Variants in FOXP1 observed in about 807,000 individuals in gnomAD.
FOXP1 encodes the protein forkhead box protein P1.
FOXP1 carries 15 observed loss-of-function variants against 98.2 expected under a neutral mutation model. That is an observed-to-expected ratio of 0.15 (90% CI 0.10 to 0.24). The LOEUF (loss-of-function observed/expected upper bound fraction) is 0.24. FOXP1 is among the 10% of genes least tolerant of loss of function. The pLI is 1.00. For missense variants in FOXP1, 633 were observed against 848.5 expected (o/e 0.75, Z 3.15); for synonymous variants, 371 against 314.5 (o/e 1.18, Z -1.90).
intron 3 of FOXP1, among the ~76,000 whole-genome samples, chr3:71,408,733 G>A (rs912846757): frequency 1.3e-5 from 2 of 152,174 alleles, no homozygotes; most frequent in African/African-American, 4.8e-5. Context: ...AAATGGGTAA[G>A]TAGAGGCAAG....
At chr3:70,987,952 G>C in intron 14 of FOXP1, 42 bp downstream of exon 14, 1 of 1,572,994 alleles carries the variant, frequency 6.4e-7, no homozygotes, top group Non-Finnish European at 8.8e-7. Context: ...AAGGAATACT[G>C]TGAGTTTTGT....
chr3:71,091,129 G>GTGTGTGTGTA lies in FOXP1; in HGVS notation c.282+21406_282+21407insTACACACACA, dbSNP rs3064142. On this transcript the variant is annotated intron_variant, in intron 7 of 20. Coordinates refer to ENST00000649528, the MANE Select transcript of FOXP1 (RefSeq NM_001349338.3). ...TGTGTGTGTGTGTGTGTGTGTGTGTGTGTATTCTTAAATTAATCCTCTGAA... is the reference window on the plus strand; with the variant it reads ...TGTGTGTGTGTGTGTGTGTGTGTGTGTGTGTGTGTATGTATTCTTAAATTAATCCTCTGAA... Among the ~76,000 whole-genome samples the GTGTGTGTGTA allele has an allele frequency of 5.2e-3, 637 of 122,394 alleles. 12 individuals carry two copies. The highest frequency in any genetic ancestry group is 8.4e-3 in the African/African-American group (291 of 34,758). 80.3% of individuals were successfully genotyped at this position (122,394 alleles called of 152,430 possible).
intron 4 of FOXP1, among the ~76,000 whole-genome samples, chr3:71,350,465 T>C (rs1242630839): frequency 3.3e-5 from 5 of 152,152 alleles, no homozygotes; most frequent in Admixed American, 3.3e-4. Context: ...ACCTTGCACA[T>C]GTAAGTATGT....
intron 4 of FOXP1, among the ~76,000 whole-genome samples, chr3:71,322,756 A>T (rs1317849639): frequency 6.6e-6 from 1 of 152,188 alleles, no homozygotes; most frequent in Non-Finnish European, 1.5e-5. Flanking sequence ...CCAAACTAGA[A>T]GTCTGGACTT....
chr3:71,494,079 A>G (rs1262581002), intron 2 of FOXP1, among the ~76,000 whole-genome samples: 1 of 152,186 alleles, frequency 6.6e-6, no homozygotes, highest in Non-Finnish European at 1.5e-5. Context: ...ATGATTATGG[A>G]TTACATAAGG....
chr3:71,442,760 A>G (rs1218147520), intron 3 of FOXP1, among the ~76,000 whole-genome samples: 1 of 152,220 alleles, frequency 6.6e-6, no homozygotes, highest in African/African-American at 2.4e-5. Context: ...GGAGAAGGGG[A>G]TTGCAGGCGG....
intron 2 of FOXP1, among the ~76,000 whole-genome samples, chr3:71,562,526 CA>C (rs764827617): frequency 1.3e-5 from 2 of 152,172 alleles, no homozygotes; most frequent in Non-Finnish European, 2.9e-5. Flanking sequence ...CTTTAACCAA[CA>C]GAGTCATAAG....
At chr3:71,405,189 G>A (rs12494677) in intron 3 of FOXP1, among the ~76,000 whole-genome samples, 23,469 of 152,136 alleles carry the variant, frequency 0.15, 2,216 homozygotes, top group South Asian at 0.22. Context: ...AGGCTCCCAT[G>A]TTTAGTCTCT....
At chr3:71,145,495 T>C (rs925320185) in intron 6 of FOXP1, among the ~76,000 whole-genome samples, 2 of 152,190 alleles carry the variant, frequency 1.3e-5, no homozygotes, top group Middle Eastern at 3.4e-3. Flanking sequence ...TGAGCTGAGA[T>C]CGTACCACTG....
At chr3:71,476,311 T>G (rs938726060) in intron 3 of FOXP1, among the ~76,000 whole-genome samples, 12 of 152,202 alleles carry the variant, frequency 7.9e-5, no homozygotes, top group East Asian at 1.9e-4. Context: ...TTTTTTTTTT[T>G]TTGTTTTGTT....
chr3:71,268,090 C>CTTTTTTT (rs754818021), intron 5 of FOXP1, among the ~76,000 whole-genome samples: 20 of 100,390 alleles, frequency 2.0e-4, no homozygotes, highest in East Asian at 3.3e-4. Context: ...CTTTTCTTTT[C>CTTTTTTT]TTTTTTTTTT....
intron 7 of FOXP1, among the ~76,000 whole-genome samples, chr3:71,092,789 G>A (rs2056020219): frequency 1.3e-5 from 2 of 151,952 alleles, no homozygotes; most frequent in East Asian, 3.9e-4. Context: ...GGCAGTAGAT[G>A]TTCCCAGAGA....
At chr3:71,427,164 A>T (rs1020044042) in intron 3 of FOXP1, among the ~76,000 whole-genome samples, 2 of 152,066 alleles carry the variant, frequency 1.3e-5, no homozygotes, top group Non-Finnish European at 2.9e-5. Flanking sequence ...TCTTCCCTTA[A>T]CAGATCATAA....
At chr3:71,046,344 G>A (rs2049033275) in intron 10 of FOXP1, among the ~76,000 whole-genome samples, 1 of 152,104 alleles carries the variant, frequency 6.6e-6, no homozygotes. Context: ...AGGAACTGGA[G>A]ATGGAAGTGG....
At chr3:71,542,092 T>C (rs1270840736) in intron 2 of FOXP1, 1 of 518,516 alleles carries the variant, frequency 1.9e-6, no homozygotes, top group Non-Finnish European at 3.9e-6. Context: ...ATCAAAATCA[T>C]GAGGTTTAAG....
At chr3:71,436,763 C>T (rs969703108) in intron 3 of FOXP1, among the ~76,000 whole-genome samples, 2 of 152,024 alleles carry the variant, frequency 1.3e-5, no homozygotes, top group African/African-American at 4.8e-5. Context: ...AAACCAACTC[C>T]GACTTGGAGC....
chr3:71,229,840 A>G (rs2106741986), intron 5 of FOXP1, among the ~76,000 whole-genome samples: 1 of 152,304 alleles, frequency 6.6e-6, no homozygotes. Flanking sequence ...AACAAGAGCT[A>G]ATCTGCACTG....
chr3:71,198,640 C>G (rs2063463049), intron 5 of FOXP1, among the ~76,000 whole-genome samples: 1 of 152,002 alleles, frequency 6.6e-6, no homozygotes, highest in Admixed American at 6.5e-5. Flanking sequence ...CTTTTTTACC[C>G]TTAGAAAAAC....
intron 3 of FOXP1, among the ~76,000 whole-genome samples, chr3:71,372,201 T>C (rs973706472): frequency 4.0e-5 from 6 of 151,228 alleles, no homozygotes; most frequent in Admixed American, 6.6e-5. Flanking sequence ...TTTGTACTTT[T>C]AGTAGAGACA....
Sources: allele counts gnomAD v4.1 joint callset (sites outside exome capture counted in the v4.1 genomes callset), GRCh38; gene constraint gnomAD v4.1.1; transcripts MANE v1.5; gene names NCBI Gene and HGNC (gene_info 2026-07-23, HGNC 2026-07-21).